Variants in SLC36A1 observed in about 807,000 individuals in gnomAD.
SLC36A1 encodes the protein solute carrier family 36 member 1, also known as proton-coupled amino acid transporter 1.
In SLC36A1, 30 loss-of-function variants were observed where a neutral mutation model predicts 47.5. That is an observed-to-expected ratio of 0.63 (90% CI 0.47 to 0.86). The LOEUF is 0.86. Among genes scored for constraint, SLC36A1 ranks in the 40% least tolerant of loss-of-function variants. SLC36A1 has a pLI of 0.00. For missense variants in SLC36A1, 517 were observed against 606.0 expected, an observed-to-expected ratio of 0.85 and a Z score of 1.54; for synonymous variants, 255 against 249.7, an observed-to-expected ratio of 1.02 and a Z score of -0.20.
At chr5:151,505,739 G>A in the SLC36A1 span, 22 of 1,613,514 alleles carry the variant, frequency 1.4e-5, no homozygotes, top group East Asian at 1.3e-4. Flanking sequence ...TGTAGCCCCC[G>A]TCTGCCAGGC....
At chr5:151,478,435 C>T (rs966738850) in intron 9 of SLC36A1, among the ~76,000 whole-genome samples, 2 of 152,152 alleles carry the variant, frequency 1.3e-5, no homozygotes, top group Admixed American at 1.3e-4. Flanking sequence ...TTTTTGGAAG[C>T]TACACTTGAA....
the SLC36A1 span, among the ~76,000 whole-genome samples, chr5:151,506,510 G>T: frequency 3.3e-5 from 5 of 152,238 alleles, no homozygotes; most frequent in Non-Finnish European, 7.3e-5. Flanking sequence ...GGAGAGTGAT[G>T]AAATGAGATG....
the SLC36A1 span, chr5:151,544,941 A>T: frequency 2.5e-6 from 4 of 1,614,034 alleles, no homozygotes; most frequent in African/African-American, 5.3e-5. Flanking sequence ...TGTCATTGAC[A>T]TCCTCAATAG....
chr5:151,391,679 G>A, the SLC36A1 span, among the ~76,000 whole-genome samples: 4,924 of 152,186 alleles, frequency 0.032, 236 homozygotes, highest in African/African-American at 0.11. Context: ...TTTGTCTTTG[G>A]TTCTGTTTAT....
chr5:151,406,864 C>T, the SLC36A1 span, among the ~76,000 whole-genome samples: 2 of 151,982 alleles, frequency 1.3e-5, no homozygotes, highest in African/African-American at 4.8e-5. Context: ...CACGGGCCCT[C>T]GCGGTGAGTG....
chr5:151,406,107 A>G, the SLC36A1 span, among the ~76,000 whole-genome samples: 1 of 152,188 alleles, frequency 6.6e-6, no homozygotes, highest in Non-Finnish European at 1.5e-5. Context: ...TGCCCCCTCC[A>G]ATCACTGGTG....
At chr5:151,544,201 T>C in the SLC36A1 span, 2 of 1,614,176 alleles carry the variant, frequency 1.2e-6, no homozygotes, top group Non-Finnish European at 1.7e-6. Flanking sequence ...CACAATCTGA[T>C]AAGAGACGTC....
At chr5:151,521,487 G>A in the SLC36A1 span, 3 of 1,614,240 alleles carry the variant, frequency 1.9e-6, no homozygotes, top group Non-Finnish European at 2.5e-6. Flanking sequence ...AGTGAGTGAT[G>A]ATGGATGCTA....
chr5:151,366,524 G>T, the SLC36A1 span: 1 of 297,704 alleles, frequency 3.4e-6, no homozygotes, highest in South Asian at 3.5e-5. Context: ...GTGATGATGA[G>T]GGAGCTCATG....
the SLC36A1 span, among the ~76,000 whole-genome samples, chr5:151,350,610 TA>T: frequency 6.6e-6 from 1 of 151,612 alleles, no homozygotes; most frequent in South Asian, 2.1e-4. Flanking sequence ...TTCTCTCCAT[TA>T]AAAACCTTTA....
chr5:151,347,343 C>A, the SLC36A1 span: 3 of 1,614,234 alleles, frequency 1.9e-6, no homozygotes, highest in South Asian at 3.3e-5. Flanking sequence ...GAAGGACTTT[C>A]ATCCAAGAAT....
intron 7 of SLC36A1, among the ~76,000 whole-genome samples, chr5:151,473,450 C>T (rs1235620417): frequency 1.3e-5 from 2 of 152,042 alleles, no homozygotes; most frequent in Non-Finnish European, 2.9e-5. Flanking sequence ...TTAATAGTAC[C>T]TTGGGCTTGT....
chr5:151,378,372 T>A, the SLC36A1 span: 2 of 181,080 alleles, frequency 1.1e-5, no homozygotes, highest in Non-Finnish European at 2.5e-5. Flanking sequence ...GTCAGCAAAA[T>A]TGGGGTCTTT....
chr5:151,539,931 G>A, the SLC36A1 span, among the ~76,000 whole-genome samples: 1 of 152,196 alleles, frequency 6.6e-6, no homozygotes, highest in Admixed American at 6.5e-5. Flanking sequence ...AAGTGAAGAA[G>A]GGCATCTCAG....
At chr5:151,503,752 A>AG in the SLC36A1 span, among the ~76,000 whole-genome samples, 51 of 152,180 alleles carry the variant, frequency 3.4e-4, no homozygotes, top group Non-Finnish European at 5.1e-4. Flanking sequence ...TGGCAAGGGC[A>AG]GGAAGCCCCA....
the SLC36A1 span, among the ~76,000 whole-genome samples, chr5:151,415,480 T>G: frequency 6.6e-6 from 1 of 152,154 alleles, no homozygotes; most frequent in Non-Finnish European, 1.5e-5. Context: ...TTCCTACCCC[T>G]CTTCAAAGGG....
intron 7 of SLC36A1, 117 bp from the exon 8 acceptor site, chr5:151,473,556 C>G: frequency 1.5e-6 from 1 of 677,096 alleles, no homozygotes; most frequent in Non-Finnish European, 2.6e-6. Context: ...AGACTTTCTT[C>G]CTTTAGAGAA....
upstream of SLC36A1, among the ~76,000 whole-genome samples, chr5:151,434,308 C>T (rs1759641765): frequency 6.6e-6 from 1 of 152,038 alleles, no homozygotes; most frequent in Non-Finnish European, 1.5e-5. Context: ...GAGAAAGATA[C>T]TCTGAAGAGT....
the SLC36A1 span, among the ~76,000 whole-genome samples, chr5:151,532,553 T>C: frequency 6.6e-6 from 1 of 152,228 alleles, no homozygotes; most frequent in South Asian, 2.1e-4. Context: ...TTAGGGAAGC[T>C]GCATGAAGAG....
Sources: allele counts gnomAD v4.1 joint callset (sites outside exome capture counted in the v4.1 genomes callset), GRCh38; gene constraint gnomAD v4.1.1; transcripts MANE v1.5; gene names NCBI Gene and HGNC (gene_info 2026-07-23, HGNC 2026-07-21).